STAT4: variants seen among roughly 807,000 people sequenced by gnomAD.
The protein encoded by STAT4 is signal transducer and activator of transcription 4.
Under a neutral mutation model 110.5 loss-of-function variants are expected in STAT4, and 42 were observed. The ratio of observed to expected loss-of-function variants is 0.38; its 90% CI spans 0.30 to 0.49. The LOEUF is 0.49. STAT4 is among the 20% of genes least tolerant of loss of function. STAT4 has a pLI of 0.95. For missense variants in STAT4, 632 were observed against 887.9 expected, an observed-to-expected ratio of 0.71 and a Z score of 3.66; for synonymous variants, 284 against 302.2, an observed-to-expected ratio of 0.94 and a Z score of 0.63.
intron 3 of STAT4, among the ~76,000 whole-genome samples, chr2:191,132,457 A>G (rs1033503551): frequency 2.0e-5 from 3 of 151,758 alleles, no homozygotes; most frequent in African/African-American, 7.3e-5. Context: ...GGCAATTCAG[A>G]ATGAAGCAAA....
chr2:191,065,780 G>C (rs1301176795), intron 7 of STAT4, among the ~76,000 whole-genome samples: 1 of 152,100 alleles, frequency 6.6e-6, no homozygotes, highest in Admixed American at 6.6e-5. Flanking sequence ...ACAAAAAATT[G>C]AGCCGAACTT....
intron 3 of STAT4, among the ~76,000 whole-genome samples, chr2:191,078,543 T>C (rs900994242): frequency 1.3e-5 from 2 of 152,186 alleles, no homozygotes; most frequent in Non-Finnish European, 2.9e-5. Context: ...TTGATCATTA[T>C]AGATTCAGTA....
upstream of STAT4, chr2:191,151,510 A>C: frequency 1.0e-6 from 1 of 985,522 alleles, no homozygotes. This position sits in a 1 kb window ranked among gnomAD's most constrained non-coding sequence, Gnocchi z 4.7. Context: ...CCTGACCCAG[A>C]GGGTTGGGCC....
intron 5 of STAT4, among the ~76,000 whole-genome samples, chr2:191,070,856 T>TG (rs1424281393): frequency 7.4e-6 from 1 of 135,358 alleles, no homozygotes; most frequent in African/African-American, 2.8e-5. Flanking sequence ...AAAAGGGGTG[T>TG]GGGGGTGGGA....
intron 3 of STAT4, among the ~76,000 whole-genome samples, chr2:191,137,299 C>T (rs547323186): frequency 2.0e-4 from 30 of 151,936 alleles, no homozygotes; most frequent in Non-Finnish European, 3.2e-4. Flanking sequence ...TGCCAAGGCA[C>T]TCCAGCCTGG....
At chr2:191,131,391 ATAAAC>A (rs1269957394) in intron 3 of STAT4, 1 of 153,310 alleles carries the variant, frequency 6.5e-6, no homozygotes, top group Non-Finnish European at 1.4e-5. Flanking sequence ...ATGAAAATGA[ATAAAC>A]TACTGCTACG....
chr2:191,151,394 A>G (rs1194362238), upstream of STAT4: 2 of 985,450 alleles, frequency 2.0e-6, no homozygotes, highest in Non-Finnish European at 2.4e-6. This position sits in a 1 kb window ranked among gnomAD's most constrained non-coding sequence, Gnocchi z 4.7. Flanking sequence ...AGCCTGGTGA[A>G]CCACCCCTGG....
chr2:191,037,266 C>A lies in STAT4; in HGVS notation c.1435-967G>T, dbSNP rs914305150. On this transcript the variant is annotated intron_variant, in intron 16 of 23. Coordinates refer to ENST00000392320, the MANE Select transcript of STAT4 (RefSeq NM_003151.4). This position sits in a 1 kb window ranked among gnomAD's most constrained non-coding sequence, Gnocchi z 4.8. ...GACCCTACAATATTATGATTAACCT[C>A]AAATACCTATTTTATGGACACCATA... Among the ~76,000 whole-genome samples, 1 of 152,084 alleles carries A rather than the reference C, an allele frequency of 6.6e-6. No individual in the cohort carries two copies. Among genetic ancestry groups the A allele is most frequent in the East Asian group, 1.9e-4 (1 of 5,188 alleles).
Position 191,033,816 on chromosome 2 carries a change from T to A in STAT4, c.1715+95A>T. 1 of 1,359,526 alleles carries A rather than the reference T, an allele frequency of 7.4e-7. No homozygotes were observed. The highest frequency in any genetic ancestry group is 1.0e-6 in the Non-Finnish European group (1 of 990,160). 84.2% of individuals were successfully genotyped at this position (1,359,526 alleles called of 1,614,324 possible). ...TTGCAACTATTTTTTTCTGTGGTAC[T>A]AAACATGCTTAAGAGAAAAAGAAAG... On this transcript the variant is annotated intron_variant, in intron 19 of 23. Coordinates refer to ENST00000392320, the MANE Select transcript of STAT4 (RefSeq NM_003151.4). This position sits in a 1 kb window ranked among gnomAD's most constrained non-coding sequence, Gnocchi z 6.9.
intron 3 of STAT4, among the ~76,000 whole-genome samples, chr2:191,136,318 G>C (rs1173811822): frequency 6.6e-6 from 1 of 152,212 alleles, no homozygotes; most frequent in African/African-American, 2.4e-5. Flanking sequence ...TCTTTTCTCT[G>C]AGAGCTCTGA....
chr2:191,141,698 T>A (rs1249050609), intron 3 of STAT4, among the ~76,000 whole-genome samples: 1 of 151,564 alleles, frequency 6.6e-6, no homozygotes, highest in Admixed American at 6.6e-5. Context: ...TGGCACTATC[T>A]CGGCTCACTG....
At position 191,058,109 on chromosome 2, in the gene STAT4, T is replaced by C. The variant is rs1459780971; in HGVS notation, c.1115A>G (p.Asn372Ser). The stretch of plus-strand genomic sequence containing the variant: ...AGTTCCACAAAGTACAAATCTTCGG[T>C]TGCTGGAGAGGAAATCTTAGCTATT... The part of the protein sequence containing the change: ...SIDKNVSTLS[N>S]RRFVLCGTNV... Residue 372 changes from asparagine (N) to serine (S), a missense_variant and splice_region_variant, in exon 13 of 24, where the codon AAC (asparagine) becomes AGC (serine). Coordinates refer to ENST00000392320, the MANE Select transcript of STAT4 (RefSeq NM_003151.4). The surrounding 1 kb of genome is among the most constrained non-coding windows in gnomAD (Gnocchi z 4.3). 14 of 1,613,936 alleles carry C rather than the reference T, an allele frequency of 8.7e-6. No individual in the cohort carries two copies. The highest frequency in any genetic ancestry group is 1.2e-5 in the Non-Finnish European group (14 of 1,179,862).
At position 191,122,275 on chromosome 2, in the gene STAT4, A is replaced by C. The variant is rs1698757854; in HGVS notation, c.273+24338T>G. On this transcript the variant is annotated intron_variant, in intron 3 of 23. Transcript: ENST00000392320. ...ACATTATTAATCATCAGGATAATGG[A>C]AATTAAAATTACAATGATTTACCAC... 2.0e-5 allele frequency among the ~76,000 whole-genome samples: 3 copies of C among 151,988 alleles called. 1 individual carries two copies. Among genetic ancestry groups the C allele is most frequent in the Admixed American group, 1.3e-4 (2 of 15,244 alleles).
At chr2:191,081,085 T>A (rs1441681643) in intron 3 of STAT4, among the ~76,000 whole-genome samples, 1 of 152,192 alleles carries the variant, frequency 6.6e-6, no homozygotes, top group Admixed American at 6.5e-5. Context: ...AGTGAGAACA[T>A]GCTGTGTTTG....
In STAT4 at chr2:191,030,784, C is replaced by T. The variant is rs562700084; in HGVS notation, c.2220+188G>A. On this transcript the variant is annotated intron_variant, in intron 23 of 23. Transcript: ENST00000392320. This position sits in a 1 kb window ranked among gnomAD's most constrained non-coding sequence, Gnocchi z 4.4. Reference sequence around the variant, plus strand: ...CAGTTTAAGTAACTGAAGGTGTCTGCTTTCAATACGCATAATATCAGCAAC... The same window carrying T: ...CAGTTTAAGTAACTGAAGGTGTCTGTTTTCAATACGCATAATATCAGCAAC... The T allele has an allele frequency of 1.6e-4, 87 of 545,056 alleles. No individual in the cohort carries two copies. The African/African-American group carries it at 1.6e-3, about 10-fold the overall frequency. The allele number at this position is 545,056 out of a possible 1,614,324, so 33.8% of individuals were successfully genotyped here. A position where few individuals can be genotyped will look rare whatever the true frequency, so the allele number is the denominator to read the frequency against.
At chr2:191,044,628 A>G (rs1696296087) in intron 14 of STAT4, among the ~76,000 whole-genome samples, 1 of 152,148 alleles carries the variant, frequency 6.6e-6, no homozygotes, top group Non-Finnish European at 1.5e-5. Flanking sequence ...GGTGAAAGGG[A>G]GTTTCAAAAA....
rs1353537853 is a variant in STAT4 at position 191,142,910 on chromosome 2, T to C, written c.273+3703A>G. On this transcript the variant is annotated intron_variant, in intron 3 of 23. Coordinates refer to ENST00000392320, the MANE Select transcript of STAT4 (RefSeq NM_003151.4). The surrounding 1 kb of genome is among the most constrained non-coding windows in gnomAD (Gnocchi z 4.1). ...ATATTGTAATGGTAGATATATGACA[T>C]TATGCATTGTCAAAACCCATAAAAT... 2.6e-5 allele frequency among the ~76,000 whole-genome samples: 4 copies of C among 152,118 alleles called. No individual in the cohort carries two copies. The highest frequency in any genetic ancestry group is 4.1e-4 in the South Asian group (2 of 4,822).
chr2:191,093,805 G>T (rs567302187), intron 3 of STAT4, among the ~76,000 whole-genome samples: 6 of 152,248 alleles, frequency 3.9e-5, no homozygotes, highest in African/African-American at 1.4e-4. Flanking sequence ...GCTAAAGGAG[G>T]ATGTTCGAAC....
At chr2:191,119,592 A>AT (rs1353663267) in intron 3 of STAT4, among the ~76,000 whole-genome samples, 3 of 152,126 alleles carry the variant, frequency 2.0e-5, no homozygotes, top group Admixed American at 6.6e-5. Flanking sequence ...TTAAGATGTC[A>AT]TTTTTTCCCC....
Sources: allele counts gnomAD v4.1 joint callset (sites outside exome capture counted in the v4.1 genomes callset), GRCh38; gene constraint gnomAD v4.1.1; non-coding constraint Gnocchi (gnomAD v3.1); transcripts MANE v1.5; gene names NCBI Gene and HGNC (gene_info 2026-07-23, HGNC 2026-07-21).